SGCZ: variants seen among roughly 807,000 people sequenced by gnomAD.
The protein encoded by SGCZ is sarcoglycan zeta.
Under a neutral mutation model 41.3 loss-of-function variants are expected in SGCZ, and 40 were observed. The ratio of observed to expected loss-of-function variants is 0.97; its 90% CI spans 0.75 to 1.26. SGCZ has a LOEUF of 1.26. Ranked by LOEUF, SGCZ falls within the 50% of genes most tolerant of loss-of-function variation. The pLI, the probability that SGCZ is intolerant of heterozygous loss-of-function variation, is 0.00. For missense variants in SGCZ, 552 were observed against 369.8 expected, an observed-to-expected ratio of 1.49 and a Z score of -4.04; for synonymous variants, 206 against 137.5, an observed-to-expected ratio of 1.50 and a Z score of -3.49.
intron 2 of SGCZ, among the ~76,000 whole-genome samples, chr8:14,384,665 T>C (rs1006548123): frequency 6.6e-6 from 1 of 152,158 alleles, no homozygotes; most frequent in African/African-American, 2.4e-5. Flanking sequence ...GCTCAAGCAA[T>C]TGTCCTGCCT....
At chr8:15,237,249 G>A (rs1023518811) in intron 1 of SGCZ, among the ~76,000 whole-genome samples, 11 of 107,518 alleles carry the variant, frequency 1.0e-4, no homozygotes, top group Non-Finnish European at 2.0e-4. Context: ...AGCTGGTGCC[G>A]CTGCCCCCCC....
chr8:14,910,010 T>C (rs1278075903), intron 1 of SGCZ, among the ~76,000 whole-genome samples: 1 of 152,144 alleles, frequency 6.6e-6, no homozygotes, highest in Non-Finnish European at 1.5e-5. Context: ...TGCATTGGCC[T>C]CTATCTAGCC....
At chr8:14,114,080 A>G (rs1307192780) in intron 5 of SGCZ, among the ~76,000 whole-genome samples, 2 of 151,984 alleles carry the variant, frequency 1.3e-5, no homozygotes, top group African/African-American at 2.4e-5. Context: ...AATTTGCTTT[A>G]AGCTCTTATC....
rs1028618753 is a variant in SGCZ at position 14,973,584 on chromosome 8, T to A, written c.39+264001A>T. Among the ~76,000 whole-genome samples the A allele has an allele frequency of 7.2e-5, 11 of 152,182 alleles. No individual in the cohort carries two copies. In the East Asian group the frequency reaches 2.1e-3, roughly 29 times the overall value. The stretch of plus-strand genomic sequence containing the variant: ...TGACCTAAAGGAATCTAGATTTAAA[T>A]ACTTAAGTATTGACATCCAATGCAA... On this transcript the variant is annotated intron_variant, in intron 1 of 7. Transcript: ENST00000382080.
At chr8:14,377,663 A>G (rs1804183679) in intron 2 of SGCZ, among the ~76,000 whole-genome samples, 2 of 151,704 alleles carry the variant, frequency 1.3e-5, no homozygotes, top group Admixed American at 1.3e-4. Flanking sequence ...ATATCTCCCA[A>G]TACTATCCCT....
At chr8:15,131,570 T>A (rs1340929117) in intron 1 of SGCZ, among the ~76,000 whole-genome samples, 1 of 152,222 alleles carries the variant, frequency 6.6e-6, no homozygotes. Context: ...TATGTCCAAA[T>A]AAAGTGAAAT....
chr8:14,311,909 A>T (rs1194183842), intron 3 of SGCZ, among the ~76,000 whole-genome samples: 1 of 152,166 alleles, frequency 6.6e-6, no homozygotes, highest in Non-Finnish European at 1.5e-5. Flanking sequence ...TTGCTGCTCT[A>T]TAGAATATAC....
intron 1 of SGCZ, among the ~76,000 whole-genome samples, chr8:14,878,282 T>A (rs1804444544): frequency 1.3e-5 from 2 of 151,988 alleles, no homozygotes; most frequent in African/African-American, 4.8e-5. Context: ...TTTCTAAAAG[T>A]TTCCTATATT....
rs532549164 is a variant in SGCZ, at chr8:14,407,353, T to A, written c.235-83149A>T. 2.6e-5 allele frequency among the ~76,000 whole-genome samples: 4 copies of A among 152,190 alleles called. No homozygotes were observed. The South Asian group carries it at 6.2e-4, about 24-fold the overall frequency. ...ATGCCACAGCTAAAAACTACACTTT[T>A]AAAATATTGTGTATCATATTATACA... On this transcript the variant is annotated intron_variant, in intron 2 of 7. Transcript: ENST00000382080.
chr8:14,453,234 C>T (rs1181887831), intron 2 of SGCZ, among the ~76,000 whole-genome samples: 3 of 152,084 alleles, frequency 2.0e-5, no homozygotes, highest in South Asian at 2.1e-4. Flanking sequence ...ATTTTCTATT[C>T]GTCTTCATTG....
intron 1 of SGCZ, among the ~76,000 whole-genome samples, chr8:14,978,688 G>C (rs1487616362): frequency 1.3e-5 from 2 of 151,988 alleles, no homozygotes; most frequent in African/African-American, 4.8e-5. Context: ...TCTATGCTAT[G>C]AAATACCTTT....
At chr8:14,093,201 C>A (rs1554454412) in intron 7 of SGCZ, among the ~76,000 whole-genome samples, 2 of 152,024 alleles carry the variant, frequency 1.3e-5, no homozygotes, top group South Asian at 2.1e-4. Flanking sequence ...CTTTGCCCTC[C>A]CTCATCTAAA....
chr8:15,075,409 G>A (rs569845550), intron 1 of SGCZ, among the ~76,000 whole-genome samples: 1 of 152,236 alleles, frequency 6.6e-6, no homozygotes, highest in East Asian at 1.9e-4. Flanking sequence ...AAAGCATGCT[G>A]AACTTTAAGA....
intron 1 of SGCZ, among the ~76,000 whole-genome samples, chr8:15,015,797 T>C (rs901357580): frequency 6.8e-6 from 1 of 147,782 alleles, no homozygotes; most frequent in East Asian, 2.1e-4. Flanking sequence ...AATAGCTTGG[T>C]TCTGATATCA....
intron 3 of SGCZ, among the ~76,000 whole-genome samples, chr8:14,256,749 T>A (rs1201570858): frequency 1.3e-5 from 2 of 152,192 alleles, no homozygotes; most frequent in East Asian, 3.9e-4. Flanking sequence ...ATTTCTCAAT[T>A]ACATGAATCT....
At chr8:14,876,210 A>G (rs1395842066) in intron 1 of SGCZ, among the ~76,000 whole-genome samples, 1 of 152,160 alleles carries the variant, frequency 6.6e-6, no homozygotes, top group Non-Finnish European at 1.5e-5. Context: ...GCCCCTAGCA[A>G]ATTTAAAAAT....
chr8:14,139,203 G>A (rs1803291890), intron 5 of SGCZ, among the ~76,000 whole-genome samples: 1 of 152,056 alleles, frequency 6.6e-6, no homozygotes, highest in Admixed American at 6.5e-5. Context: ...AGTGTGTAGA[G>A]GGAAATTTAT....
At chr8:14,703,689 G>C (rs952335374) in intron 1 of SGCZ, among the ~76,000 whole-genome samples, 7 of 151,914 alleles carry the variant, frequency 4.6e-5, no homozygotes, top group African/African-American at 1.7e-4. Context: ...CAGAAAACCA[G>C]TGTTTCCGGA....
chr8:15,205,221 A>C (rs1408122016), intron 1 of SGCZ, among the ~76,000 whole-genome samples: 1 of 152,190 alleles, frequency 6.6e-6, no homozygotes, highest in Non-Finnish European at 1.5e-5. Context: ...ACAAAGACAC[A>C]AAAAGCAATC....
Sources: allele counts gnomAD v4.1 joint callset (sites outside exome capture counted in the v4.1 genomes callset), GRCh38; gene constraint gnomAD v4.1.1; transcripts MANE v1.5; gene names NCBI Gene and HGNC (gene_info 2026-07-23, HGNC 2026-07-21).